Variants in HIVEP2 observed in about 807,000 individuals in gnomAD.
The protein encoded by HIVEP2 is transcription factor HIVEP2.
A neutral mutation model predicts 180.7 loss-of-function variants in HIVEP2; 14 were observed. The ratio of observed to expected loss-of-function variants is 0.08; its 90% CI spans 0.05 to 0.12. HIVEP2 has a LOEUF of 0.12. HIVEP2 is among the 10% of genes least tolerant of loss of function. HIVEP2 has a pLI of 1.00. For synonymous variants in HIVEP2, 1,184 were observed against 1,136.4 expected (o/e 1.04, Z -0.84); for missense variants, 2,579 against 3,008.5 (o/e 0.86, Z 3.34).
At chr6:142,929,089 A>C (rs1216812125) in intron 1 of HIVEP2, among the ~76,000 whole-genome samples, 1 of 152,090 alleles carries the variant, frequency 6.6e-6, no homozygotes, top group South Asian at 2.1e-4. Context: ...TTGTTCTTTT[A>C]TCCATTAAAT....
chr6:142,801,608 T>C (rs1182221160), intron 2 of HIVEP2, among the ~76,000 whole-genome samples: 2 of 152,022 alleles, frequency 1.3e-5, no homozygotes, highest in Non-Finnish European at 2.9e-5. Flanking sequence ...CTCTCCTGAT[T>C]ATGTACCCTT....
At position 142,775,023 on chromosome 6, in the gene HIVEP2, A is replaced by C. The variant is rs1424473472; in HGVS notation, c.-285T>G. On this transcript the variant is annotated 5_prime_UTR_variant, in exon 5 of 10. It adds an upstream start codon to the 5' untranslated region. Transcript: ENST00000367603. ...ATAAAGATTTCTTATGGCATTTGAA[A>C]ATTTTCAACTAGGATGAAATTGGGA... is the stretch of plus-strand genomic sequence containing the variant. The C allele has an allele frequency of 2.6e-6, 3 of 1,150,244 alleles. No homozygotes were observed. The highest frequency in any genetic ancestry group is 3.2e-5 in the African/African-American group (2 of 63,116). 71.3% of individuals were successfully genotyped at this position (1,150,244 alleles called of 1,614,324 possible).
At chr6:142,813,221 G>C (rs1426456928) in intron 2 of HIVEP2, among the ~76,000 whole-genome samples, 1 of 152,000 alleles carries the variant, frequency 6.6e-6, no homozygotes, top group Non-Finnish European at 1.5e-5. Flanking sequence ...CCCATAGGCA[G>C]GTTATTATTT....
intron 1 of HIVEP2, among the ~76,000 whole-genome samples, chr6:142,915,069 C>T (rs1777517165): frequency 6.6e-6 from 1 of 152,110 alleles, no homozygotes; most frequent in South Asian, 2.1e-4. Flanking sequence ...CCTCACTGGA[C>T]ACAATAATAT....
intron 1 of HIVEP2, among the ~76,000 whole-genome samples, chr6:142,903,445 T>C (rs1176418627): frequency 6.6e-6 from 1 of 152,248 alleles, no homozygotes; most frequent in Non-Finnish European, 1.5e-5. Flanking sequence ...GTTGAAATTC[T>C]ATTGAAACTA....
intron 1 of HIVEP2, among the ~76,000 whole-genome samples, chr6:142,914,778 A>C (rs1391863040): frequency 6.6e-6 from 1 of 152,210 alleles, no homozygotes; most frequent in Non-Finnish European, 1.5e-5. Context: ...ACCAGCAAGA[A>C]CATGGTTCTT....
intron 2 of HIVEP2, among the ~76,000 whole-genome samples, chr6:142,798,225 C>A (rs778027650): frequency 6.6e-6 from 1 of 151,550 alleles, no homozygotes. Flanking sequence ...GCTGAGATCG[C>A]GCCACTGCAC....
At position 142,847,955 on chromosome 6, in the gene HIVEP2, T is replaced by C. The variant is rs1582909951; in HGVS notation, c.-640-10908A>G. Among the ~76,000 whole-genome samples, 3 of 152,346 alleles carry C rather than the reference T, an allele frequency of 2.0e-5. No individual in the cohort carries two copies. In the South Asian group the frequency reaches 6.2e-4, roughly 32 times the overall value. The stretch of plus-strand genomic sequence containing the variant: ...GAAACACAGTTATATAACATAATTC[T>C]GCAATGGTTCAGCATCACAGTGCAG... On this transcript the variant is annotated intron_variant, in intron 1 of 9. Transcript: ENST00000367603.
At chr6:142,842,409 T>C (rs1413703423) in intron 1 of HIVEP2, among the ~76,000 whole-genome samples, 2 of 152,010 alleles carry the variant, frequency 1.3e-5, no homozygotes, top group Non-Finnish European at 1.5e-5. Context: ...ACCGATATGG[T>C]ACATGAAGAA....
chr6:142,831,075 C>T (rs1211411366), intron 2 of HIVEP2, among the ~76,000 whole-genome samples: 1 of 152,204 alleles, frequency 6.6e-6, no homozygotes, highest in African/African-American at 2.4e-5. Flanking sequence ...GGCCTGATGC[C>T]CTTGCGTGCC....
chr6:142,848,934 T>C (rs147098245), intron 1 of HIVEP2, among the ~76,000 whole-genome samples: 1 of 152,342 alleles, frequency 6.6e-6, no homozygotes, highest in East Asian at 1.9e-4. Flanking sequence ...CTACATCTAA[T>C]CACTAAGCCT....
chr6:142,939,598 TA>T (rs994635274), intron 1 of HIVEP2, among the ~76,000 whole-genome samples: 1 of 151,902 alleles, frequency 6.6e-6, no homozygotes, highest in Admixed American at 6.6e-5. Context: ...AGATCCTCAG[TA>T]AAAAAAAGAA....
intron 1 of HIVEP2, among the ~76,000 whole-genome samples, chr6:142,890,112 T>C (rs1776817448): frequency 6.6e-6 from 1 of 152,202 alleles, no homozygotes; most frequent in African/African-American, 2.4e-5. Flanking sequence ...TCATTTTTGT[T>C]AATTCAACAT....
chr6:142,849,018 G>T (rs928506725), intron 1 of HIVEP2, among the ~76,000 whole-genome samples: 8 of 152,114 alleles, frequency 5.3e-5, no homozygotes, highest in Non-Finnish European at 1.2e-4. Context: ...TTTCTACCTG[G>T]TGAAATCTAT....
rs750917690 is a variant in HIVEP2, at chr6:142,753,637, A to T, written c.6811T>A (p.Phe2271Ile). ...EEKKGASGES[F>I]SKDPYVLSKQ... ...GAAAGCACATAGGGGTCCTTGGAGA[A>T]GGACTCCCCTGACGCGCCTTTCTTC... The change falls in exon 10 of 10, where the codon TTC becomes ATC. Residue 2271 changes from phenylalanine (F) to isoleucine (I), a missense_variant. By Grantham distance (21) the Phe-to-Ile change is conservative. Transcript: ENST00000367603. 5 of 1,614,084 alleles carry T rather than the reference A, an allele frequency of 3.1e-6. No homozygotes were observed. The highest frequency in any genetic ancestry group is 4.2e-6 in the Non-Finnish European group (5 of 1,180,038).
chr6:142,800,504 C>T (rs1776377247), intron 2 of HIVEP2, among the ~76,000 whole-genome samples: 2 of 152,092 alleles, frequency 1.3e-5, no homozygotes, highest in African/African-American at 2.4e-5. Context: ...ACAAGAAATG[C>T]ATGACTAATC....
chr6:142,809,784 G>A (rs1453987493), intron 2 of HIVEP2, among the ~76,000 whole-genome samples: 4 of 151,970 alleles, frequency 2.6e-5, no homozygotes, highest in East Asian at 3.9e-4. Flanking sequence ...TAGTAGAGAC[G>A]GGGTTTCACC....
At chr6:142,776,356 G>A (rs197508) in intron 3 of HIVEP2, among the ~76,000 whole-genome samples, 165 bp from the exon 4 acceptor site, 87,279 of 151,986 alleles carry the variant, frequency 0.57, 25,327 homozygotes, top group Non-Finnish European at 0.6. Flanking sequence ...TACACCAGAA[G>A]AGTAAACCTT....
In HIVEP2 at chr6:142,753,514, C is replaced by T. The variant is rs1582824515; in HGVS notation, c.6934G>A (p.Glu2312Lys). ...PRLLMKQSTSEDSLNATEREQ... is the reference protein window; with the variant it reads ...PRLLMKQSTSKDSLNATEREQ... ...CGCTCTGTTGCGTTTAGGCTGTCTT[C>T]CGAAGTGCTCTGTTTCATCAACAGC... The change falls in exon 10 of 10, where the codon GAA becomes AAA. Residue 2312 changes from glutamate (E) to lysine (K), a missense_variant. Physicochemically the swap from Glu to Lys is moderately conservative, Grantham distance 56. Coordinates refer to ENST00000367603, the MANE Select transcript of HIVEP2 (RefSeq NM_006734.4). 1.2e-6 allele frequency: 2 copies of T among 1,614,146 alleles called. No homozygotes were observed. Among genetic ancestry groups the T allele is most frequent in the Non-Finnish European group, 8.5e-7 (1 of 1,180,050 alleles).
Sources: allele counts gnomAD v4.1 joint callset (sites outside exome capture counted in the v4.1 genomes callset), GRCh38; gene constraint gnomAD v4.1.1; transcripts MANE v1.5; gene names NCBI Gene and HGNC (gene_info 2026-07-23, HGNC 2026-07-21).